The following OVOL2 variants were observed in gnomAD, a reference collection of about 807,000 sequenced individuals.
OVOL2 encodes transcription factor Ovo-like 2.
In OVOL2, 13 loss-of-function variants were observed where a neutral mutation model predicts 18.1. That is an observed-to-expected ratio of 0.72 (90% CI 0.47 to 1.14). The LOEUF is 1.14. OVOL2 is among the 50% of genes most tolerant of loss of function. OVOL2 has a pLI of 0.00. For missense variants in OVOL2, 335 were observed against 383.0 expected (o/e 0.87, Z 1.05); for synonymous variants, 166 against 162.7 (o/e 1.02, Z -0.16).
intron 3 of OVOL2, among the ~76,000 whole-genome samples, chr20:18,029,264 G>A (rs1241191898): frequency 1.3e-5 from 2 of 152,096 alleles, no homozygotes; most frequent in East Asian, 3.9e-4. Flanking sequence ...CCTGACCTCA[G>A]GAGATCCACC....
chr20:18,051,088 A>T (rs966410919), intron 2 of OVOL2, among the ~76,000 whole-genome samples: 2 of 152,146 alleles, frequency 1.3e-5, no homozygotes, highest in African/African-American at 4.8e-5. Flanking sequence ...GAAATAACAG[A>T]TTGAGAGCCA....
chr20:18,041,835 C>T, intron 2 of OVOL2, 112 bp from the exon 3 acceptor site: 1 of 962,328 alleles, frequency 1.0e-6, no homozygotes, highest in Non-Finnish European at 1.5e-6. Context: ...GCGGCTTCTG[C>T]CCCTAAAATT....
chr20:18,035,723 T>C (rs1233497146), intron 3 of OVOL2, among the ~76,000 whole-genome samples: 1 of 152,206 alleles, frequency 6.6e-6, no homozygotes, highest in African/African-American at 2.4e-5. Flanking sequence ...AGACACACCT[T>C]CATCAGAAAA....
intron 2 of OVOL2, among the ~76,000 whole-genome samples, chr20:18,049,801 G>A (rs1297913456): frequency 2.0e-5 from 3 of 152,288 alleles, no homozygotes; most frequent in Non-Finnish European, 2.9e-5. Context: ...CAGGCCCACA[G>A]GTCTGTGGGG....
chr20:18,039,141 T>C, intron 3 of OVOL2, among the ~76,000 whole-genome samples: 1 of 152,076 alleles, frequency 6.6e-6, no homozygotes, highest in South Asian at 2.1e-4. Context: ...TGGTTTTCCT[T>C]GGAGAGAAAA....
intron 2 of OVOL2, 32 bp from the exon 3 acceptor site, chr20:18,041,755 G>A (rs6111804): frequency 0.089 from 141,280 of 1,589,232 alleles, 8,522 homozygotes; most frequent in African/African-American, 0.3. Flanking sequence ...GAGGGTCCCC[G>A]GGCAGGCAGG....
chr20:18,036,446 C>T (rs985159876), intron 3 of OVOL2, among the ~76,000 whole-genome samples: 5 of 152,140 alleles, frequency 3.3e-5, no homozygotes, highest in African/African-American at 4.8e-5. Context: ...CAGTGGCCGC[C>T]GGACCAGCCA....
chr20:18,054,766 C>CAAAA lies in OVOL2; in HGVS notation c.321+1887_321+1890dup, dbSNP rs745367889. The stretch of plus-strand genomic sequence containing the variant: ...GGGCAACAACAGCGAAACTCCATCT[C>CAAAA]AAAAAAAAAAAAAAAAGAAAGAAAA... On this transcript the variant is annotated intron_variant, in intron 2 of 3. Transcript: ENST00000278780. Among the ~76,000 whole-genome samples the CAAAA allele has an allele frequency of 4.3e-3, 269 of 63,136 alleles. 4 individuals are homozygous for CAAAA. Among genetic ancestry groups the CAAAA allele is most frequent in the African/African-American group, 0.015 (209 of 14,098 alleles). The allele number at this position is 63,136 out of a possible 152,430, so 41.4% of individuals were successfully genotyped here. A position where few individuals can be genotyped will look rare whatever the true frequency, so the allele number is the denominator to read the frequency against.
chr20:18,047,841 G>A (rs6045162), intron 2 of OVOL2, among the ~76,000 whole-genome samples: 17,029 of 108,354 alleles, frequency 0.16, 1,819 homozygotes, highest in African/African-American at 0.35. Flanking sequence ...GCGACAGAGT[G>A]AGACTCCGTC....
intron 3 of OVOL2, among the ~76,000 whole-genome samples, chr20:18,039,180 A>G (rs2036646402): frequency 6.6e-6 from 1 of 152,228 alleles, no homozygotes. Flanking sequence ...AGTGACTTCT[A>G]GTGGCTGGAA....
chr20:18,030,440 A>G (rs2036558038), intron 3 of OVOL2, among the ~76,000 whole-genome samples: 1 of 152,210 alleles, frequency 6.6e-6, no homozygotes, highest in Non-Finnish European at 1.5e-5. Flanking sequence ...TGGATGCAAC[A>G]AACTCCTGGA....
chr20:18,028,586 A>G (rs2036540415), intron 3 of OVOL2, among the ~76,000 whole-genome samples: 1 of 150,488 alleles, frequency 6.6e-6, no homozygotes, highest in African/African-American at 2.4e-5. Flanking sequence ...TGAGGTCGGG[A>G]GTTCGAGACC....
chr20:18,051,303 T>A lies in OVOL2; in HGVS notation c.321+5354A>T, dbSNP rs967949936. Among the ~76,000 whole-genome samples the A allele has an allele frequency of 1.2e-4, 18 of 152,040 alleles. 1 individual carries two copies. The highest frequency in any genetic ancestry group is 1.2e-4 in the Non-Finnish European group (8 of 68,010). On this transcript the variant is annotated intron_variant, in intron 2 of 3. Transcript: ENST00000278780. ...ACAACTGATTATCTTCATTTACAAA[T>A]AAAGGTAAATAAAGCGAATCCAGCA...
At chr20:18,034,104 AT>A (rs1968953188) in intron 3 of OVOL2, among the ~76,000 whole-genome samples, 1 of 152,070 alleles carries the variant, frequency 6.6e-6, no homozygotes, top group African/African-American at 2.4e-5. Flanking sequence ...CCTCAATTAT[AT>A]AGTGGCTGCT....
chr20:18,039,624 A>AAAAAAC lies in OVOL2; in HGVS notation c.511+1909_511+1910insGTTTTT, dbSNP rs1403124179. ...CGCTGTCTCAAAAAAAAAAAAAAAG[A>AAAAAAC]AAGAAAGAAAGAAAGAAAAGAAAAA... On this transcript the variant is annotated intron_variant, in intron 3 of 3. Transcript: ENST00000278780. 4.3e-3 allele frequency among the ~76,000 whole-genome samples: 455 copies of AAAAAAC among 106,436 alleles called. 7 individuals carry two copies. Among genetic ancestry groups the AAAAAAC allele is most frequent in the African/African-American group, 0.017 (442 of 25,462 alleles). 69.8% of individuals were successfully genotyped at this position (106,436 alleles called of 152,430 possible). A position where few individuals can be genotyped will look rare whatever the true frequency, so the allele number is the denominator to read the frequency against.
chr20:18,057,707 C>G lies in OVOL2; in HGVS notation c.-73G>C, dbSNP rs888204686. 4 of 1,474,038 alleles carry G rather than the reference C, an allele frequency of 2.7e-6. No homozygotes were observed. Among genetic ancestry groups the G allele is most frequent in the Admixed American group, 5.0e-5 (2 of 40,290 alleles). 91.3% of individuals were successfully genotyped at this position (1,474,038 alleles called of 1,614,324 possible). On this transcript the variant is annotated 5_prime_UTR_variant, in exon 1 of 4. Coordinates refer to ENST00000278780, the MANE Select transcript of OVOL2 (RefSeq NM_021220.4). This position sits in a 1 kb window ranked among gnomAD's most constrained non-coding sequence, Gnocchi z 6.3. The stretch of plus-strand genomic sequence containing the variant: ...CCGCTAGGGGCAACGGCGGCGGCTC[C>G]GTCCCCGGCTCCCGGCGGCCAGAGC...
At chr20:18,044,106 A>G (rs1276516649) in intron 2 of OVOL2, among the ~76,000 whole-genome samples, 1 of 152,124 alleles carries the variant, frequency 6.6e-6, no homozygotes, top group Non-Finnish European at 1.5e-5. Context: ...CACTTAAACC[A>G]GTGCCTCTCA....
intron 3 of OVOL2, among the ~76,000 whole-genome samples, chr20:18,031,432 C>T (rs2036569485): frequency 6.6e-6 from 1 of 152,076 alleles, no homozygotes; most frequent in South Asian, 2.1e-4. Context: ...AAAAATTTAG[C>T]CGGGCATGGT....
chr20:18,035,075 A>G (rs1305367989), intron 3 of OVOL2, among the ~76,000 whole-genome samples: 1 of 152,216 alleles, frequency 6.6e-6, no homozygotes, highest in Non-Finnish European at 1.5e-5. Context: ...TTAAGTGTCT[A>G]TATCTTTGTT....
Sources: allele counts gnomAD v4.1 joint callset (sites outside exome capture counted in the v4.1 genomes callset), GRCh38; gene constraint gnomAD v4.1.1; non-coding constraint Gnocchi (gnomAD v3.1); transcripts MANE v1.5; gene names NCBI Gene and HGNC (gene_info 2026-07-23, HGNC 2026-07-21).